Variants in ERICH1 observed in about 807,000 individuals in gnomAD.
The protein encoded by ERICH1 is glutamate rich 1, also known as glutamate-rich protein 1.
ERICH1 carries 56 observed loss-of-function variants against 39.6 expected under a neutral mutation model. That is an observed-to-expected ratio of 1.41 (90% CI 1.14 to 1.77). The LOEUF (loss-of-function observed/expected upper bound fraction) is 1.77. Ranked by LOEUF, ERICH1 falls within the 40% of genes most tolerant of loss-of-function variation. The pLI, the probability that ERICH1 is intolerant of heterozygous loss-of-function variation, is 0.00. For synonymous variants in ERICH1, 313 were observed against 223.6 expected (o/e 1.40, Z -3.57); for missense variants, 826 against 575.4 (o/e 1.44, Z -4.45).
chr8:628,086 C>T lies in ERICH1; in HGVS notation c.977-12802G>A, dbSNP rs115087558. Among the ~76,000 whole-genome samples, 1,120 of 152,302 alleles carry T rather than the reference C, an allele frequency of 7.4e-3. 10 individuals carry two copies. Among genetic ancestry groups the T allele is most frequent in the African/African-American group, 0.025 (1,055 of 41,550 alleles). On this transcript the variant is annotated intron_variant, in intron 3 of 3. Coordinates refer to the ERICH1 transcript ENST00000522706. Reference sequence around the variant, plus strand: ...AAATGGCCCTCTCTCTGACCCTGCCCGAGACCACAGAGGAAGGAAAGCAGG... The same window carrying T: ...AAATGGCCCTCTCTCTGACCCTGCCTGAGACCACAGAGGAAGGAAAGCAGG...
intron 3 of ERICH1, among the ~76,000 whole-genome samples, chr8:684,585 T>C (rs751681746): frequency 1.3e-4 from 20 of 152,188 alleles, no homozygotes; most frequent in Non-Finnish European, 2.6e-4. Context: ...CTCTGAAGCC[T>C]GCAGCTTAAT....
Position 731,163 on chromosome 8 carries a change from C to T in ERICH1, c.-2G>A. On this transcript the variant is annotated 5_prime_UTR_variant, in exon 1 of 6. Coordinates refer to ENST00000262109, the MANE Select transcript of ERICH1 (RefSeq NM_207332.3). ...ACCGTGCTTCCTGTGCGCCGCCATG[C>T]GGGACCCTGCCGCGGACCTCAGACC... 4 of 1,509,224 alleles carry T rather than the reference C, an allele frequency of 2.7e-6. No individual in the cohort carries two copies. The highest frequency in any genetic ancestry group is 1.2e-5 in the South Asian group (1 of 80,444). The allele number at this position is 1,509,224 out of a possible 1,614,324, so 93.5% of individuals were successfully genotyped here.
At chr8:700,920 G>A (rs1165115440) in intron 2 of ERICH1, among the ~76,000 whole-genome samples, 1 of 152,246 alleles carries the variant, frequency 6.6e-6, no homozygotes, top group Admixed American at 6.5e-5. Flanking sequence ...GCACAGCCCA[G>A]CTCTCAAGAC....
chr8:708,703 T>TTG (rs1563319835), intron 2 of ERICH1, among the ~76,000 whole-genome samples: 12 of 108,350 alleles, frequency 1.1e-4, no homozygotes, highest in South Asian at 3.2e-4. Flanking sequence ...TTTTTTTTTT[T>TTG]TTTTTTTTGA....
intron 3 of ERICH1, among the ~76,000 whole-genome samples, chr8:648,618 C>A (rs1799605384): frequency 1.5e-5 from 1 of 68,160 alleles, no homozygotes; most frequent in African/African-American, 3.7e-5. Flanking sequence ...CCAGCGTGCA[C>A]TATGTGTGAA....
At chr8:715,509 G>A (rs1006855804) in intron 2 of ERICH1, among the ~76,000 whole-genome samples, 3 of 152,252 alleles carry the variant, frequency 2.0e-5, no homozygotes. Context: ...GGGGCCAAGG[G>A]GGCCACCACA....
intron 3 of ERICH1, among the ~76,000 whole-genome samples, chr8:652,939 A>G (rs1800158777): frequency 6.6e-6 from 1 of 152,208 alleles, no homozygotes; most frequent in Non-Finnish European, 1.5e-5. Context: ...ATATTTTTAC[A>G]AACGAGAAAT....
chr8:662,857 G>C (rs968227192), downstream of ERICH1, among the ~76,000 whole-genome samples: 1 of 152,138 alleles, frequency 6.6e-6, no homozygotes, highest in African/African-American at 2.4e-5. Flanking sequence ...TCGGAGTTAG[G>C]GGAAGAGAAG....
At chr8:704,732 G>C (rs1812875712) in intron 2 of ERICH1, among the ~76,000 whole-genome samples, 3 of 151,976 alleles carry the variant, frequency 2.0e-5, no homozygotes, top group Non-Finnish European at 4.4e-5. Context: ...CAATACATAA[G>C]ATTTAATCCC....
At chr8:631,200 G>T (rs771738908) in intron 3 of ERICH1, among the ~76,000 whole-genome samples, 1 of 152,256 alleles carries the variant, frequency 6.6e-6, no homozygotes, top group Non-Finnish European at 1.5e-5. Context: ...GAGGAGAACA[G>T]GGGTGCCTGC....
Position 673,543 on chromosome 8 carries a change from C to G in ERICH1, c.809G>C (p.Arg270Thr), listed in dbSNP as rs1187230080. ...AATGGTGTCCACACCGTCCTCCTCCCTGGCGTCTTTAACGTCTTCCTCCCC... is the reference window on the plus strand; with the variant it reads ...AATGGTGTCCACACCGTCCTCCTCCGTGGCGTCTTTAACGTCTTCCTCCCC... ...PAGEEDVKDA[R>T]EEDGVDTIEE... The change falls in exon 4 of 6, where the codon AGG becomes ACG. Residue 270 changes from arginine to threonine, a missense_variant. Arg to Thr is a moderately conservative substitution (Grantham distance 71). Transcript: ENST00000262109. 1.2e-6 allele frequency: 2 copies of G among 1,610,530 alleles called. No individual in the cohort carries two copies. The highest frequency in any genetic ancestry group is 1.7e-6 in the Non-Finnish European group (2 of 1,178,102).
At chr8:679,291 A>T (rs1033683081) in intron 3 of ERICH1, among the ~76,000 whole-genome samples, 1 of 139,690 alleles carries the variant, frequency 7.2e-6, no homozygotes. Flanking sequence ...TACTGCTCAC[A>T]GCAAGTGACC....
At chr8:693,656 C>A (rs886104002) in intron 2 of ERICH1, among the ~76,000 whole-genome samples, 1 of 145,532 alleles carries the variant, frequency 6.9e-6, no homozygotes, top group Admixed American at 6.8e-5. Context: ...CCACCGTGGA[C>A]GGTGGCTGGA....
chr8:712,499 G>A (rs1414887984), intron 2 of ERICH1, among the ~76,000 whole-genome samples: 2 of 152,046 alleles, frequency 1.3e-5, no homozygotes, highest in East Asian at 1.9e-4. Context: ...ACATGATCTC[G>A]GCTCACAGCA....
intron 3 of ERICH1, among the ~76,000 whole-genome samples, chr8:680,782 T>G (rs1805943744): frequency 6.6e-6 from 1 of 152,232 alleles, no homozygotes; most frequent in African/African-American, 2.4e-5. Flanking sequence ...CATCATGAGC[T>G]GCAACATCCT....
At chr8:692,940 T>C (rs972271257) in intron 2 of ERICH1, among the ~76,000 whole-genome samples, 2 of 152,236 alleles carry the variant, frequency 1.3e-5, no homozygotes, top group Admixed American at 6.5e-5. Flanking sequence ...CAGCAAAATA[T>C]AAACAGTTTG....
chr8:674,039 G>A lies in ERICH1; in HGVS notation c.313C>T (p.Pro105Ser), dbSNP rs750406981. ...CTTCTTCTCTTTGGCTGGTCATGAG[G>A]ATCCTGATCTGTTAAAAAAATTCAA... ...SSGDDTEDQD[P>S]HDQPKRRRIR... is the part of the protein sequence containing the mutation. The change falls in exon 4 of 6, where the codon CCT (proline) becomes TCT (serine). Residue 105 changes from proline (P) to serine (S), a missense_variant. Pro to Ser is a moderately conservative substitution (Grantham distance 74, BLOSUM62 -1). Transcript: ENST00000262109. 1.3e-6 allele frequency: 2 copies of A among 1,542,206 alleles called. No individual in the cohort carries two copies. The highest frequency in any genetic ancestry group is 2.3e-5 in the Admixed American group (1 of 43,932).
chr8:720,437 G>A (rs1292868182), intron 1 of ERICH1, among the ~76,000 whole-genome samples: 7 of 152,238 alleles, frequency 4.6e-5, no homozygotes, highest in Non-Finnish European at 8.8e-5. Context: ...GCCAGGAAGA[G>A]CATGCAACTA....
intron 3 of ERICH1, among the ~76,000 whole-genome samples, chr8:657,083 C>G (rs1485346785): frequency 6.6e-6 from 1 of 152,132 alleles, no homozygotes; most frequent in East Asian, 1.9e-4. Context: ...CAAAACTCAA[C>G]AAACTGTAGT....
Sources: allele counts gnomAD v4.1 joint callset (sites outside exome capture counted in the v4.1 genomes callset), GRCh38; gene constraint gnomAD v4.1.1; transcripts MANE v1.5; gene names NCBI Gene and HGNC (gene_info 2026-07-23, HGNC 2026-07-21).